WWP2: variants seen among roughly 807,000 people sequenced by gnomAD.
The protein encoded by WWP2 is WW domain containing E3 ubiquitin protein ligase 2, also known as NEDD4-like E3 ubiquitin-protein ligase WWP2.
A neutral mutation model predicts 121.0 loss-of-function variants in WWP2; 57 were observed. The observed-to-expected ratio is 0.47, with a 90% CI of 0.38 to 0.59. WWP2 has a LOEUF of 0.59. Among genes scored for constraint, WWP2 ranks in the 20% least tolerant of loss-of-function variants. The pLI, the probability that WWP2 is intolerant of heterozygous loss-of-function variation, is 0.00. For synonymous variants in WWP2, 449 were observed against 441.3 expected (o/e 1.02, Z -0.22); for missense variants, 962 against 1,158.9 (o/e 0.83, Z 2.47).
At chr16:69,891,986 G>A (rs1479811134) in intron 8 of WWP2, among the ~76,000 whole-genome samples, 1 of 152,156 alleles carries the variant, frequency 6.6e-6, no homozygotes, top group African/African-American at 2.4e-5. Context: ...TATCACAGGT[G>A]TAATTTGCAT....
chr16:69,792,705 CTTTT>C (rs1488315552), intron 2 of WWP2, among the ~76,000 whole-genome samples: 2 of 152,126 alleles, frequency 1.3e-5, no homozygotes, highest in East Asian at 3.8e-4. Flanking sequence ...ATTCTTCTTT[CTTTT>C]GAGTCAGGGT....
At chr16:69,931,126 C>T (rs781688077) in intron 13 of WWP2, 26 bp from the exon 14 acceptor site, 7 of 1,610,666 alleles carry the variant, frequency 4.3e-6, no homozygotes, top group Admixed American at 1.7e-5. Context: ...ATCGCATGAA[C>T]CCCTGAACAT....
chr16:69,806,868 C>T (rs561113845), intron 4 of WWP2, among the ~76,000 whole-genome samples: 1 of 151,956 alleles, frequency 6.6e-6, no homozygotes, highest in East Asian at 1.9e-4. Context: ...TGTCAGATAC[C>T]ATATTTTGTA....
chr16:69,893,319 G>A (rs1057454094), intron 8 of WWP2, among the ~76,000 whole-genome samples: 5 of 152,170 alleles, frequency 3.3e-5, no homozygotes, highest in Admixed American at 6.5e-5. Flanking sequence ...CACAGAGTAG[G>A]CTCCCAAGAC....
intron 8 of WWP2, among the ~76,000 whole-genome samples, chr16:69,903,719 G>C (rs1399708603): frequency 1.3e-5 from 2 of 149,598 alleles, no homozygotes; most frequent in Non-Finnish European, 2.9e-5. Context: ...AGTGAGCCGA[G>C]ATTGCGCCAC....
chr16:69,850,696 AG>A (rs2057192282), intron 6 of WWP2, among the ~76,000 whole-genome samples: 1 of 152,166 alleles, frequency 6.6e-6, no homozygotes, highest in South Asian at 2.1e-4. Context: ...GATGTATTTG[AG>A]GAAATAAAAG....
chr16:69,780,828 A>T (rs1026729555), intron 1 of WWP2, among the ~76,000 whole-genome samples: 1 of 152,166 alleles, frequency 6.6e-6, no homozygotes, highest in Non-Finnish European at 1.5e-5. Flanking sequence ...AGATGGTGAG[A>T]TCCTATCTCT....
intron 7 of WWP2, among the ~76,000 whole-genome samples, chr16:69,886,820 T>C (rs142162579): frequency 2.0e-5 from 3 of 152,274 alleles, no homozygotes; most frequent in African/African-American, 7.2e-5. Context: ...ATGGGATGAT[T>C]CTATAGTGAG....
chr16:69,937,716 G>A lies in WWP2; in HGVS notation c.2343+64G>A. On this transcript the variant is annotated intron_variant, in intron 21 of 23. Coordinates refer to ENST00000359154, the MANE Select transcript of WWP2 (RefSeq NM_001270454.2). The surrounding 1 kb of genome is among the most constrained non-coding windows in gnomAD (Gnocchi z 6.6). ...CCATCAACCAAAGGAAACGGGTCCT[G>A]AGGAGGCCTCACGCGCAAGGACCTT... The A allele has an allele frequency of 6.5e-7, 1 of 1,539,622 alleles. No homozygotes were observed. The highest frequency in any genetic ancestry group is 8.9e-7 in the Non-Finnish European group (1 of 1,118,534).
intron 4 of WWP2, among the ~76,000 whole-genome samples, chr16:69,830,672 G>T (rs896295761): frequency 6.6e-6 from 1 of 152,128 alleles, no homozygotes; most frequent in African/African-American, 2.4e-5. Flanking sequence ...GTCAGCATTG[G>T]TGCCCCAACA....
chr16:69,903,001 G>C (rs1306872387), intron 8 of WWP2, among the ~76,000 whole-genome samples: 1 of 152,224 alleles, frequency 6.6e-6, no homozygotes, highest in Non-Finnish European at 1.5e-5. Flanking sequence ...AATCTGAGCA[G>C]GGGTCCAACT....
intron 1 of WWP2, among the ~76,000 whole-genome samples, chr16:69,784,724 T>G (rs1457437100): frequency 6.6e-6 from 1 of 152,114 alleles, no homozygotes; most frequent in African/African-American, 2.4e-5. Flanking sequence ...TAATGGTGTG[T>G]TGGGAAAAAG....
chr16:69,828,797 A>G (rs1034638484), intron 4 of WWP2, among the ~76,000 whole-genome samples: 6 of 152,136 alleles, frequency 3.9e-5, no homozygotes, highest in South Asian at 2.1e-4. Flanking sequence ...GGAGTTTCCT[A>G]TTATTCCATC....
rs2058723167 is a variant in WWP2 at position 69,932,035 on chromosome 16, A to G, written c.1682+145A>G. On this transcript the variant is annotated intron_variant, in intron 16 of 23. Coordinates refer to ENST00000359154, the MANE Select transcript of WWP2 (RefSeq NM_001270454.2). ...AGGAATGGGCACAGTGTGGCATTCA[A>G]AATACGTGAACCCGCCAGGCGCGGT... The G allele has an allele frequency of 4.8e-6, 4 of 835,490 alleles. No individual in the cohort carries two copies. The South Asian group carries it at 6.8e-5, about 14-fold the overall frequency. The allele number at this position is 835,490 out of a possible 1,614,324, so 51.8% of individuals were successfully genotyped here.
At chr16:69,838,258 G>A (rs2056911217) in intron 4 of WWP2, among the ~76,000 whole-genome samples, 1 of 151,998 alleles carries the variant, frequency 6.6e-6, no homozygotes, top group African/African-American at 2.4e-5. Context: ...CTGTTTTGCA[G>A]GTAGGGAGAC....
At chr16:69,846,127 A>G (rs1204848574) in intron 6 of WWP2, among the ~76,000 whole-genome samples, 1 of 151,410 alleles carries the variant, frequency 6.6e-6, no homozygotes, top group African/African-American at 2.4e-5. Flanking sequence ...CCAGCAATTC[A>G]TGCGGCATAC....
At chr16:69,886,416 A>G (rs1298152579) in intron 7 of WWP2, among the ~76,000 whole-genome samples, 1 of 151,538 alleles carries the variant, frequency 6.6e-6, no homozygotes, top group Non-Finnish European at 1.5e-5. Flanking sequence ...AGATGGGGAG[A>G]CTCAGACCAG....
At chr16:69,918,987 G>A (rs1401634552) in intron 10 of WWP2, among the ~76,000 whole-genome samples, 1 of 151,434 alleles carries the variant, frequency 6.6e-6, no homozygotes, top group Non-Finnish European at 1.5e-5. Flanking sequence ...GGGATTACAG[G>A]TGCCCACCAC....
In WWP2 at chr16:69,799,422, G is replaced by T; in HGVS notation, c.340+127G>T. 7.4e-7 allele frequency: 1 copy of T among 1,351,696 alleles called. No homozygotes were observed. Among genetic ancestry groups the T allele is most frequent in the Non-Finnish European group, 9.8e-7 (1 of 1,017,826 alleles). The allele number at this position is 1,351,696 out of a possible 1,614,324, so 83.7% of individuals were successfully genotyped here. ...AGTACCTCTGTTCTCCTTGGATGCT[G>T]TCTTTGGAGTTTTGGGAAGGCTGAG... On this transcript the variant is annotated intron_variant, in intron 4 of 23. Transcript: ENST00000359154. The surrounding 1 kb of genome is among the most constrained non-coding windows in gnomAD (Gnocchi z 4.5).
Sources: allele counts gnomAD v4.1 joint callset (sites outside exome capture counted in the v4.1 genomes callset), GRCh38; gene constraint gnomAD v4.1.1; non-coding constraint Gnocchi (gnomAD v3.1); transcripts MANE v1.5; gene names NCBI Gene and HGNC (gene_info 2026-07-23, HGNC 2026-07-21).